The following ADISSP variants were observed in gnomAD, a reference collection of about 807,000 sequenced individuals.
ADISSP encodes adipose secreted signaling protein.
the ADISSP span, among the ~76,000 whole-genome samples, chr20:3,761,678 A>G: frequency 6.6e-6 from 1 of 152,130 alleles, no homozygotes; most frequent in African/African-American, 2.4e-5. Flanking sequence ...TTTGCAATGG[A>G]GGTATGTGAC....
At chr20:3,763,724 T>C in the ADISSP span, among the ~76,000 whole-genome samples, 1 of 152,192 alleles carries the variant, frequency 6.6e-6, no homozygotes, top group Non-Finnish European at 1.5e-5. Context: ...TGACACTGGC[T>C]CATCAGTCCA....
At chr20:3,760,800 C>CT in the ADISSP span, among the ~76,000 whole-genome samples, 7 of 152,174 alleles carry the variant, frequency 4.6e-5, no homozygotes, top group Non-Finnish European at 8.8e-5. Context: ...TCAGGCCTGC[C>CT]TCCGCCTCAG....
At chr20:3,755,528 C>A in the ADISSP span, 7 of 1,613,304 alleles carry the variant, frequency 4.3e-6, 1 homozygote, top group South Asian at 5.5e-5. Context: ...AGGTGCCTCG[C>A]GGACATCCTT....
the ADISSP span, chr20:3,755,677 C>T: frequency 1.8e-5 from 25 of 1,406,702 alleles, no homozygotes; most frequent in Admixed American, 4.0e-4. Context: ...CCAGTTGTGC[C>T]ACCTATGATC....
the ADISSP span, chr20:3,755,560 C>G: frequency 6.2e-7 from 1 of 1,613,138 alleles, no homozygotes; most frequent in Non-Finnish European, 8.5e-7. Context: ...GCACTGGGGG[C>G]AGAGTGAAGG....
At chr20:3,760,038 C>T in the ADISSP span, 5 of 1,610,500 alleles carry the variant, frequency 3.1e-6, no homozygotes, top group Admixed American at 3.4e-5. Context: ...CAGGGCCCAC[C>T]GGAAGAGCTT....
At chr20:3,765,921 T>C in the ADISSP span, among the ~76,000 whole-genome samples, 5 of 152,202 alleles carry the variant, frequency 3.3e-5, no homozygotes, top group East Asian at 3.9e-4. Context: ...CCCCATGAGA[T>C]GGAGTGTCAG....
At chr20:3,765,890 A>AG in the ADISSP span, among the ~76,000 whole-genome samples, 5 of 152,128 alleles carry the variant, frequency 3.3e-5, no homozygotes, top group Non-Finnish European at 7.4e-5. Context: ...CCTCCCCGCC[A>AG]GCAAAAAAAA....
the ADISSP span, chr20:3,758,657 C>T: frequency 3.1e-6 from 5 of 1,613,974 alleles, no homozygotes; most frequent in African/African-American, 5.3e-5. This position sits in a 1 kb window ranked among gnomAD's most constrained non-coding sequence, Gnocchi z 5.5. Context: ...AAAGCGGATA[C>T]TCCGGACTCT....
chr20:3,759,966 C>G, the ADISSP span: 4 of 1,430,700 alleles, frequency 2.8e-6, no homozygotes, highest in Admixed American at 7.7e-5. The surrounding 1 kb of genome is among the most constrained non-coding windows in gnomAD (Gnocchi z 4.6). Context: ...CACACGCACT[C>G]ACACATGCAC....
At chr20:3,756,047 GT>G in the ADISSP span, among the ~76,000 whole-genome samples, 1 of 152,178 alleles carries the variant, frequency 6.6e-6, no homozygotes, top group African/African-American at 2.4e-5. Flanking sequence ...TCATTCACCT[GT>G]CCCCATCACT....
chr20:3,760,135 A>G, the ADISSP span: 11 of 1,538,750 alleles, frequency 7.1e-6, no homozygotes, highest in Admixed American at 1.7e-5. Flanking sequence ...CCTGCCAGAC[A>G]CCGCCACTCA....
the ADISSP span, among the ~76,000 whole-genome samples, chr20:3,755,253 G>A: frequency 6.6e-6 from 1 of 152,264 alleles, no homozygotes. Flanking sequence ...TCACACCATG[G>A]GCAGGTACAG....
the ADISSP span, chr20:3,754,035 CG>C: frequency 6.3e-7 from 1 of 1,578,144 alleles, no homozygotes; most frequent in Non-Finnish European, 8.7e-7. Flanking sequence ...CTGAGGGGCC[CG>C]GGGCAGGCGG....
At chr20:3,767,800 C>T in the ADISSP span, 2 of 152,138 alleles carry the variant, frequency 1.3e-5, no homozygotes, top group African/African-American at 4.8e-5. Context: ...CCCGCCTCCG[C>T]CCATTGGTTG....
chr20:3,764,493 C>A, the ADISSP span, among the ~76,000 whole-genome samples: 1 of 152,258 alleles, frequency 6.6e-6, no homozygotes, highest in South Asian at 2.1e-4. Flanking sequence ...CCGTCCCTCC[C>A]AGCCACACCT....
the ADISSP span, among the ~76,000 whole-genome samples, chr20:3,758,325 G>A: frequency 1.1e-4 from 16 of 152,318 alleles, no homozygotes; most frequent in South Asian, 8.3e-4. This position sits in a 1 kb window ranked among gnomAD's most constrained non-coding sequence, Gnocchi z 5.5. Flanking sequence ...TGACAGCAGT[G>A]GCTCTGCTCA....
At chr20:3,758,121 C>A in the ADISSP span, among the ~76,000 whole-genome samples, 1 of 152,318 alleles carries the variant, frequency 6.6e-6, no homozygotes, top group Non-Finnish European at 1.5e-5. The surrounding 1 kb of genome is among the most constrained non-coding windows in gnomAD (Gnocchi z 5.5). Context: ...AGCTTCACAC[C>A]TGTATCACAT....
the ADISSP span, chr20:3,755,350 C>T: frequency 1.1e-6 from 1 of 921,606 alleles, no homozygotes; most frequent in Non-Finnish European, 1.7e-6. Context: ...TGCAAGCTCA[C>T]AAAGAGGTGC....
Sources: allele counts gnomAD v4.1 joint callset (sites outside exome capture counted in the v4.1 genomes callset), GRCh38; gene constraint gnomAD v4.1.1; non-coding constraint Gnocchi (gnomAD v3.1); transcripts MANE v1.5; gene names NCBI Gene and HGNC (gene_info 2026-07-23, HGNC 2026-07-21).